CCDC171: variants seen among roughly 807,000 people sequenced by gnomAD.
The protein encoded by CCDC171 is coiled-coil domain containing 171.
A neutral mutation model predicts 168.2 loss-of-function variants in CCDC171; 177 were observed. The ratio of observed to expected loss-of-function variants is 1.05; its 90% CI spans 0.93 to 1.19. The LOEUF (loss-of-function observed/expected upper bound fraction) is 1.19. Among genes scored for constraint, CCDC171 ranks in the 50% most tolerant of loss-of-function variants. The pLI, the probability that CCDC171 is intolerant of heterozygous loss-of-function variation, is 0.00. For synonymous variants in CCDC171, 687 were observed against 540.8 expected (o/e 1.27, Z -3.75); for missense variants, 1,991 against 1,539.0 (o/e 1.29, Z -4.91).
intron 2 of CCDC171, among the ~76,000 whole-genome samples, chr9:15,566,040 G>C (rs1325296732): frequency 6.6e-6 from 1 of 152,022 alleles, no homozygotes. Context: ...TTTCAATTTA[G>C]CCATTTTGGT....
chr9:15,938,496 T>C (rs2132254926), intron 25 of CCDC171, among the ~76,000 whole-genome samples: 1 of 151,958 alleles, frequency 6.6e-6, no homozygotes, highest in African/African-American at 2.4e-5. Context: ...ATTCACTGGG[T>C]CTATGGTTAA....
At chr9:15,847,117 A>C (rs1456853984) in intron 22 of CCDC171, among the ~76,000 whole-genome samples, 5 of 152,108 alleles carry the variant, frequency 3.3e-5, no homozygotes, top group Non-Finnish European at 5.9e-5. Context: ...CATGTTAGAA[A>C]CTATGTTTTA....
At chr9:15,861,213 G>A (rs1038300497) in intron 23 of CCDC171, among the ~76,000 whole-genome samples, 1 of 49,474 alleles carries the variant, frequency 2.0e-5, no homozygotes, top group Non-Finnish European at 4.3e-5. Flanking sequence ...CGTATAGTTG[G>A]ATCTTTTTTT....
intron 8 of CCDC171, among the ~76,000 whole-genome samples, chr9:15,660,109 G>C (rs969439696): frequency 1.3e-5 from 2 of 151,996 alleles, no homozygotes; most frequent in African/African-American, 4.8e-5. Flanking sequence ...AACTGTATTT[G>C]TAAAGATTTG....
At chr9:15,688,075 C>T (rs1394553542) in intron 10 of CCDC171, among the ~76,000 whole-genome samples, 6 of 142,922 alleles carry the variant, frequency 4.2e-5, no homozygotes, top group Non-Finnish European at 7.5e-5. Context: ...GCTGAGATGG[C>T]GCCATTGCAC....
At chr9:15,963,950 G>A (rs925958394) in intron 25 of CCDC171, among the ~76,000 whole-genome samples, 1 of 152,160 alleles carries the variant, frequency 6.6e-6, no homozygotes, top group Non-Finnish European at 1.5e-5. Context: ...TTTAGGAAGT[G>A]TCTGTAAACG....
At chr9:15,831,651 C>T (rs1424007047) in intron 21 of CCDC171, among the ~76,000 whole-genome samples, 2 of 152,196 alleles carry the variant, frequency 1.3e-5, no homozygotes, top group East Asian at 3.9e-4. Flanking sequence ...ACCATTTGTT[C>T]CAGTTAGTTT....
intron 25 of CCDC171, among the ~76,000 whole-genome samples, chr9:15,929,328 C>A (rs1826237672): frequency 6.6e-6 from 1 of 151,580 alleles, no homozygotes; most frequent in Admixed American, 6.6e-5. Flanking sequence ...ACTATTTTGT[C>A]TTTTTTACCA....
chr9:15,587,143 A>G (rs1318680783), intron 4 of CCDC171, among the ~76,000 whole-genome samples: 2 of 152,076 alleles, frequency 1.3e-5, no homozygotes, highest in Non-Finnish European at 1.5e-5. Flanking sequence ...GACTTCCCCA[A>G]AAGCTAACAC....
chr9:16,059,444 G>T (rs999428398), intron 1 of CCDC171, among the ~76,000 whole-genome samples: 8 of 151,934 alleles, frequency 5.3e-5, no homozygotes, highest in African/African-American at 1.7e-4. Context: ...CCTCAAGGGG[G>T]CTTTCCAGGG....
intron 9 of CCDC171, among the ~76,000 whole-genome samples, chr9:15,668,062 TA>T: frequency 6.6e-6 from 1 of 152,374 alleles, no homozygotes; most frequent in East Asian, 1.9e-4. Context: ...CAGATTTCTT[TA>T]CTTTTGCTTT....
chr9:15,599,286 T>C (rs1367422982), intron 6 of CCDC171, among the ~76,000 whole-genome samples: 16 of 152,292 alleles, frequency 1.1e-4, no homozygotes, highest in African/African-American at 3.8e-4. Flanking sequence ...GTGGCTGTTA[T>C]TGGTTGTTCC....
downstream of CCDC171, among the ~76,000 whole-genome samples, chr9:15,974,588 C>G (rs956917092): frequency 6.6e-6 from 1 of 152,074 alleles, no homozygotes; most frequent in Non-Finnish European, 1.5e-5. Context: ...GTTCTGATAC[C>G]TGAGTCACAC....
intron 1 of CCDC171, among the ~76,000 whole-genome samples, chr9:15,555,877 C>G (rs1297247993): frequency 6.6e-6 from 1 of 151,698 alleles, no homozygotes; most frequent in Non-Finnish European, 1.5e-5. Flanking sequence ...TGTTCCCCAC[C>G]CTGTGTCCAA....
At chr9:16,050,038 C>T (rs1833725400) in intron 1 of CCDC171, among the ~76,000 whole-genome samples, 1 of 152,168 alleles carries the variant, frequency 6.6e-6, no homozygotes, top group African/African-American at 2.4e-5. Flanking sequence ...AGGCGCATGC[C>T]ACCACACCTG....
intron 18 of CCDC171, among the ~76,000 whole-genome samples, chr9:15,758,401 G>T (rs908324495): frequency 1.3e-5 from 2 of 152,196 alleles, no homozygotes; most frequent in Non-Finnish European, 2.9e-5. Flanking sequence ...ATTTGGAATG[G>T]CTGTATTTAC....
intron 1 of CCDC171, among the ~76,000 whole-genome samples, chr9:15,556,153 T>C (rs1215285280): frequency 3.3e-5 from 5 of 152,188 alleles, no homozygotes; most frequent in Admixed American, 6.5e-5. Context: ...TATGTGTGCA[T>C]GTGTCTTTAT....
intron 23 of CCDC171, among the ~76,000 whole-genome samples, chr9:15,863,511 C>CT (rs2061647772): frequency 6.6e-6 from 1 of 150,706 alleles, no homozygotes; most frequent in Non-Finnish European, 1.5e-5. Flanking sequence ...TTTTTTTTTT[C>CT]TAACTACCCC....
intron 21 of CCDC171, among the ~76,000 whole-genome samples, chr9:15,807,416 TG>T (rs1588620987): frequency 6.6e-6 from 1 of 152,230 alleles, no homozygotes; most frequent in East Asian, 1.9e-4. Context: ...AGCAGTTATT[TG>T]TTGTTTAATT....
Sources: allele counts gnomAD v4.1 joint callset (sites outside exome capture counted in the v4.1 genomes callset), GRCh38; gene constraint gnomAD v4.1.1; transcripts MANE v1.5; gene names NCBI Gene and HGNC (gene_info 2026-07-23, HGNC 2026-07-21).